The following DLG2 variants were observed in gnomAD, a reference collection of about 807,000 sequenced individuals.
The protein encoded by DLG2 is disks large homolog 2.
In DLG2, 45 loss-of-function variants were observed where a neutral mutation model predicts 132.5. The ratio of observed to expected loss-of-function variants is 0.34; its 90% CI spans 0.27 to 0.44. DLG2 has a LOEUF of 0.44. DLG2 is among the 20% of genes least tolerant of loss of function. The pLI is 1.00. For synonymous variants in DLG2, 424 were observed against 419.6 expected, an observed-to-expected ratio of 1.01 and a Z score of -0.13; for missense variants, 1,045 against 1,196.9, an observed-to-expected ratio of 0.87 and a Z score of 1.87.
At chr11:85,399,900 G>C (rs1484090696) in intron 3 of DLG2, among the ~76,000 whole-genome samples, 1 of 152,060 alleles carries the variant, frequency 6.6e-6, no homozygotes, top group Non-Finnish European at 1.5e-5. Flanking sequence ...AACACCAAAA[G>C]CAATGGCAAC....
intron 3 of DLG2, among the ~76,000 whole-genome samples, chr11:85,443,484 TTC>T (rs1267140017): frequency 6.6e-6 from 1 of 152,198 alleles, no homozygotes; most frequent in Non-Finnish European, 1.5e-5. Context: ...TATTCTATGT[TTC>T]TCTGTGATAT....
chr11:85,254,844 C>A (rs2076583157), intron 4 of DLG2, among the ~76,000 whole-genome samples: 1 of 151,696 alleles, frequency 6.6e-6, no homozygotes, highest in African/African-American at 2.4e-5. Context: ...ACTAAAAATA[C>A]AAAAAAATTA....
chr11:84,227,017 C>T (rs1434819625), intron 8 of DLG2, among the ~76,000 whole-genome samples: 8 of 151,948 alleles, frequency 5.3e-5, no homozygotes, highest in Non-Finnish European at 1.2e-4. Context: ...ACCCAGGAGT[C>T]GGAGATTGCA....
chr11:84,177,048 A>C (rs1369266334), intron 8 of DLG2, among the ~76,000 whole-genome samples: 1 of 152,130 alleles, frequency 6.6e-6, no homozygotes, highest in East Asian at 1.9e-4. Flanking sequence ...TAATATAGTA[A>C]ACAAATGTTA....
At chr11:83,687,026 G>A (rs1470102996) in intron 18 of DLG2, among the ~76,000 whole-genome samples, 1 of 152,150 alleles carries the variant, frequency 6.6e-6, no homozygotes, top group Non-Finnish European at 1.5e-5. Flanking sequence ...GAGCACAGAG[G>A]TGCACACAGG....
At chr11:85,517,585 A>G (rs1287634502) in intron 3 of DLG2, among the ~76,000 whole-genome samples, 1 of 152,154 alleles carries the variant, frequency 6.6e-6, no homozygotes, top group Non-Finnish European at 1.5e-5. Context: ...AAATCAATGT[A>G]TTAAAAATCA....
chr11:84,221,587 C>T (rs2096917179), intron 8 of DLG2, among the ~76,000 whole-genome samples: 2 of 152,300 alleles, frequency 1.3e-5, no homozygotes, highest in Middle Eastern at 6.8e-3. Flanking sequence ...TTCCTTCTAG[C>T]TGGCTGCCCA....
chr11:85,574,877 T>G (rs2078061120), intron 3 of DLG2, among the ~76,000 whole-genome samples: 1 of 152,120 alleles, frequency 6.6e-6, no homozygotes, highest in Admixed American at 6.5e-5. Context: ...TTTCAGGTAT[T>G]CCTTTACAGC....
At chr11:85,253,326 C>T (rs1276194743) in intron 4 of DLG2, among the ~76,000 whole-genome samples, 2 of 152,176 alleles carry the variant, frequency 1.3e-5, no homozygotes, top group South Asian at 2.1e-4. Context: ...TGGTACTACT[C>T]ATAAAGTGAA....
At chr11:84,731,659 C>A (rs1438751461) in intron 6 of DLG2, among the ~76,000 whole-genome samples, 2 of 151,812 alleles carry the variant, frequency 1.3e-5, no homozygotes, top group Non-Finnish European at 1.5e-5. Flanking sequence ...ATCAAGTGAA[C>A]AGAGGCTGAA....
chr11:83,675,895 G>A (rs1157795092), intron 18 of DLG2, among the ~76,000 whole-genome samples: 1 of 152,084 alleles, frequency 6.6e-6, no homozygotes, highest in African/African-American at 2.4e-5. Flanking sequence ...TTAAGGACAT[G>A]CACCATCATA....
intron 11 of DLG2, among the ~76,000 whole-genome samples, chr11:84,006,625 A>C (rs905647991): frequency 6.6e-6 from 1 of 151,644 alleles, no homozygotes; most frequent in Non-Finnish European, 1.5e-5. Flanking sequence ...TGCATGTAAC[A>C]AAATATCACA....
At position 83,581,448 on chromosome 11, in the gene DLG2, A is replaced by T. The variant is rs138884263; in HGVS notation, c.1941-39590T>A. On this transcript the variant is annotated intron_variant, in intron 19 of 27. Coordinates refer to ENST00000376104, the MANE Select transcript of DLG2 (RefSeq NM_001142699.3). Reference sequence around the variant, plus strand: ...ATGCTCTGTTTTATGTTAAAGAATTACCCTAAAATACATGTCAAGAGGAAA... The same window carrying T: ...ATGCTCTGTTTTATGTTAAAGAATTTCCCTAAAATACATGTCAAGAGGAAA... 1.5e-3 allele frequency among the ~76,000 whole-genome samples: 221 copies of T among 152,318 alleles called. 1 individual carries two copies. In the Middle Eastern group the frequency reaches 0.017, roughly 12 times the overall value.
intron 7 of DLG2, among the ~76,000 whole-genome samples, chr11:84,256,914 G>C (rs2097481513): frequency 6.6e-6 from 1 of 152,138 alleles, no homozygotes; most frequent in South Asian, 2.1e-4. Context: ...CTACAAGATA[G>C]CATGCTAGCA....
At chr11:83,752,902 T>C (rs2093393788) in intron 18 of DLG2, among the ~76,000 whole-genome samples, 1 of 152,174 alleles carries the variant, frequency 6.6e-6, no homozygotes, top group Admixed American at 6.5e-5. Flanking sequence ...CTTGATTAAA[T>C]AAAGTTGTTT....
Position 85,009,870 on chromosome 11 carries a change from G to C in DLG2, c.357+101791C>G, listed in dbSNP as rs76469053. Among the ~76,000 whole-genome samples, 34 of 151,994 alleles carry C rather than the reference G, an allele frequency of 2.2e-4. No individual in the cohort carries two copies. In the East Asian group the frequency reaches 6.4e-3, roughly 28 times the overall value. ...GCTTACCAGATTCTGTCTTCCTTAG[G>C]GCCACATAAAAAGTCCCTAAACCAG... On this transcript the variant is annotated intron_variant, in intron 6 of 27. Transcript: ENST00000376104.
In DLG2 at chr11:84,416,832, T is replaced by C. The variant is rs2098931482; in HGVS notation, c.519+117738A>G. Among the ~76,000 whole-genome samples, 3 of 152,200 alleles carry C rather than the reference T, an allele frequency of 2.0e-5. No individual in the cohort carries two copies. The South Asian group carries it at 6.2e-4, about 31-fold the overall frequency. The stretch of plus-strand genomic sequence containing the variant: ...TATTATCAACATTATTATACCAATA[T>C]CAACTTCATAACCATTACAGTAAAT... On this transcript the variant is annotated intron_variant, in intron 7 of 27. Transcript: ENST00000376104.
intron 6 of DLG2, among the ~76,000 whole-genome samples, chr11:84,929,228 T>C (rs2047816306): frequency 6.6e-6 from 1 of 151,342 alleles, no homozygotes; most frequent in Non-Finnish European, 1.5e-5. Context: ...CTAAGTCTTT[T>C]AATTGTAAAG....
intron 3 of DLG2, chr11:85,510,052 A>AT (rs1428190737): frequency 1.3e-5 from 2 of 151,564 alleles, no homozygotes; most frequent in South Asian, 4.2e-4. Context: ...TTTAATCAAA[A>AT]AAAAAAAAAA....
Sources: allele counts gnomAD v4.1 joint callset (sites outside exome capture counted in the v4.1 genomes callset), GRCh38; gene constraint gnomAD v4.1.1; transcripts MANE v1.5; gene names NCBI Gene and HGNC (gene_info 2026-07-23, HGNC 2026-07-21).